The following SLC14A2 variants were observed in gnomAD, a reference collection of about 807,000 sequenced individuals.
SLC14A2 encodes solute carrier family 14 member 2.
In SLC14A2, 91 loss-of-function variants were observed where a neutral mutation model predicts 104.6. The ratio of observed to expected loss-of-function variants is 0.87; its 90% CI spans 0.73 to 1.04. SLC14A2 has a LOEUF of 1.04. Among genes scored for constraint, SLC14A2 ranks in the 50% least tolerant of loss-of-function variants. The pLI, the probability that SLC14A2 is intolerant of heterozygous loss-of-function variation, is 0.00. For missense variants in SLC14A2, 1,189 were observed against 1,156.0 expected, an observed-to-expected ratio of 1.03 and a Z score of -0.41; for synonymous variants, 476 against 466.4, an observed-to-expected ratio of 1.02 and a Z score of -0.27.
chr18:45,408,811 C>A (rs1017713765), intron 1 of SLC14A2, among the ~76,000 whole-genome samples: 1 of 151,812 alleles, frequency 6.6e-6, no homozygotes, highest in South Asian at 2.1e-4. Flanking sequence ...AAAAGAGGAC[C>A]CAGAATATGG....
intron 18 of SLC14A2, among the ~76,000 whole-genome samples, chr18:45,678,727 G>A (rs2046265825): frequency 6.6e-6 from 1 of 152,220 alleles, no homozygotes; most frequent in Non-Finnish European, 1.5e-5. Flanking sequence ...TGGGACCCAA[G>A]AGAACCATAA....
chr18:45,319,818 A>C (rs2085167114), intron 1 of SLC14A2, among the ~76,000 whole-genome samples: 1 of 152,230 alleles, frequency 6.6e-6, no homozygotes, highest in African/African-American at 2.4e-5. Context: ...AAATGGCTTC[A>C]GTAGGGTATA....
chr18:45,226,484 C>A (rs1479593362), intron 1 of SLC14A2, among the ~76,000 whole-genome samples: 1 of 151,972 alleles, frequency 6.6e-6, no homozygotes, highest in African/African-American at 2.4e-5. Context: ...GAATACTATG[C>A]AGCCATAAAA....
intron 1 of SLC14A2, among the ~76,000 whole-genome samples, chr18:45,399,223 T>G (rs2086068897): frequency 6.6e-6 from 1 of 152,174 alleles, no homozygotes; most frequent in African/African-American, 2.4e-5. Context: ...CTTCTGAGTT[T>G]ATGCTACACC....
intron 5 of SLC14A2, among the ~76,000 whole-genome samples, chr18:45,636,357 C>T (rs1199469051): frequency 2.0e-5 from 3 of 152,156 alleles, no homozygotes; most frequent in African/African-American, 4.8e-5. Context: ...TTCCTTCAGC[C>T]TGTATGCATA....
chr18:45,196,072 G>T, the SLC14A2 span, among the ~76,000 whole-genome samples: 1 of 152,140 alleles, frequency 6.6e-6, no homozygotes, highest in African/African-American at 2.4e-5. Flanking sequence ...GTTACAGTTC[G>T]GCTTTTGCCT....
At chr18:45,580,232 T>C (rs569023035) in intron 2 of SLC14A2, among the ~76,000 whole-genome samples, 1 of 152,328 alleles carries the variant, frequency 6.6e-6, no homozygotes, top group South Asian at 2.1e-4. Context: ...GAGGTAGCAC[T>C]TATCTACATT....
intron 1 of SLC14A2, among the ~76,000 whole-genome samples, chr18:45,317,350 T>C (rs2085139983): frequency 6.6e-6 from 1 of 152,198 alleles, no homozygotes; most frequent in African/African-American, 2.4e-5. Flanking sequence ...TGCTATGTTC[T>C]CAAAGAGCTT....
At chr18:45,572,471 A>G (rs1397183220) in intron 2 of SLC14A2, among the ~76,000 whole-genome samples, 2 of 152,144 alleles carry the variant, frequency 1.3e-5, no homozygotes, top group African/African-American at 2.4e-5. Context: ...CTCTCAACAC[A>G]TACCCCATTC....
chr18:45,508,609 C>A (rs936580767), intron 2 of SLC14A2, among the ~76,000 whole-genome samples: 3 of 152,142 alleles, frequency 2.0e-5, no homozygotes, highest in Non-Finnish European at 1.5e-5. Context: ...ACTAATACAG[C>A]CTTCATCTTT....
At chr18:45,408,720 C>T (rs999450856) in intron 1 of SLC14A2, among the ~76,000 whole-genome samples, 5 of 151,858 alleles carry the variant, frequency 3.3e-5, no homozygotes, top group African/African-American at 7.3e-5. Flanking sequence ...GAAACTACAT[C>T]GTGAAAATTC....
At chr18:45,413,492 G>A (rs773329239) in intron 1 of SLC14A2, among the ~76,000 whole-genome samples, 14 of 152,096 alleles carry the variant, frequency 9.2e-5, no homozygotes, top group Non-Finnish European at 2.1e-4. Flanking sequence ...CTTCAGCTCC[G>A]TTTTCTTTCT....
At chr18:45,619,038 C>T (rs1318645752) in intron 1 of SLC14A2, among the ~76,000 whole-genome samples, 3 of 152,206 alleles carry the variant, frequency 2.0e-5, no homozygotes, top group African/African-American at 7.2e-5. Context: ...GGGTCCAAAC[C>T]TAGACACTAA....
At chr18:45,228,719 A>T (rs62092129) in intron 1 of SLC14A2, among the ~76,000 whole-genome samples, 17,183 of 152,170 alleles carry the variant, frequency 0.11, 986 homozygotes, top group Non-Finnish European at 0.12. Context: ...GGCATCAGAT[A>T]GTCTTTCACC....
the SLC14A2 span, among the ~76,000 whole-genome samples, chr18:45,205,489 G>A: frequency 2.0e-4 from 31 of 152,246 alleles, no homozygotes; most frequent in African/African-American, 5.1e-4. Flanking sequence ...TTGTTGAAGC[G>A]AGCCGTATAA....
At chr18:45,655,706 G>A (rs1385767956) in intron 10 of SLC14A2, among the ~76,000 whole-genome samples, 1 of 152,238 alleles carries the variant, frequency 6.6e-6, no homozygotes, top group Non-Finnish European at 1.5e-5. Flanking sequence ...AGAGAAGCCA[G>A]TATACAATTG....
intron 2 of SLC14A2, chr18:45,542,528 GCAT>G (rs1401501642): frequency 6.6e-6 from 1 of 152,038 alleles, no homozygotes; most frequent in African/African-American, 2.4e-5. Flanking sequence ...AACAATGATA[GCAT>G]CCATAAAGAT....
rs936071062 is a variant in SLC14A2, at chr18:45,420,748, AT to A, written c.-124-62474del. Among the ~76,000 whole-genome samples the A allele has an allele frequency of 1.1e-4, 16 of 150,120 alleles. No individual in the cohort carries two copies. In the South Asian group the frequency reaches 1.7e-3, roughly 16 times the overall value. On this transcript the variant is annotated intron_variant, in intron 1 of 20. Coordinates refer to the SLC14A2 transcript ENST00000586448. ...TGGAATTATTTTTATTATTATTATT[AT>A]TTTTTTTTTTGAGACGGAGTCTCAC...
At chr18:45,257,803 A>G (rs1014095804) in intron 1 of SLC14A2, among the ~76,000 whole-genome samples, 1 of 152,288 alleles carries the variant, frequency 6.6e-6, no homozygotes, top group Non-Finnish European at 1.5e-5. Context: ...CTAAAGTTCA[A>G]TCTCTTTAAG....
Sources: allele counts gnomAD v4.1 joint callset (sites outside exome capture counted in the v4.1 genomes callset), GRCh38; gene constraint gnomAD v4.1.1; transcripts MANE v1.5; gene names NCBI Gene and HGNC (gene_info 2026-07-23, HGNC 2026-07-21).